KLF12: variants seen among roughly 807,000 people sequenced by gnomAD.
KLF12 encodes Krueppel-like factor 12.
A neutral mutation model predicts 37.8 loss-of-function variants in KLF12; 9 were observed. The observed-to-expected ratio is 0.24, with a 90% CI of 0.14 to 0.42. The LOEUF (loss-of-function observed/expected upper bound fraction) is 0.42, where lower values mean the gene tolerates loss of function less well. KLF12 is among the 10% of genes least tolerant of loss of function. The pLI is 1.00. For synonymous variants in KLF12, 208 were observed against 202.1 expected (o/e 1.03, Z -0.25); for missense variants, 411 against 516.0 (o/e 0.80, Z 1.97).
chr13:74,049,484 G>A (rs1274938067), intron 1 of KLF12, among the ~76,000 whole-genome samples: 1 of 152,096 alleles, frequency 6.6e-6, no homozygotes, highest in Admixed American at 6.6e-5. Flanking sequence ...CCCACACAGA[G>A]ATTACAGACA....
intron 1 of KLF12, among the ~76,000 whole-genome samples, chr13:74,127,107 G>A (rs1459092559): frequency 6.6e-6 from 1 of 152,100 alleles, no homozygotes; most frequent in Non-Finnish European, 1.5e-5. Context: ...GGGATCAAGG[G>A]ATCCTCCTGC....
chr13:74,242,444 G>T, the KLF12 span, among the ~76,000 whole-genome samples: 1 of 152,144 alleles, frequency 6.6e-6, no homozygotes, highest in Non-Finnish European at 1.5e-5. Flanking sequence ...AAAACCATCA[G>T]ATCTCATTAG....
chr13:73,807,175 G>A (rs1198288581), intron 5 of KLF12, among the ~76,000 whole-genome samples: 3 of 152,074 alleles, frequency 2.0e-5, no homozygotes, highest in Non-Finnish European at 4.4e-5. Context: ...GGGCGTGGTG[G>A]CTTATGCTTG....
chr13:73,697,546 A>G (rs1874235489), intron 7 of KLF12, among the ~76,000 whole-genome samples: 2 of 152,196 alleles, frequency 1.3e-5, no homozygotes, highest in Admixed American at 1.3e-4. Context: ...GGTCTACTAT[A>G]TAGTATTATC....
rs1164445441 is a variant in KLF12 at position 73,688,770 on chromosome 13, G to T, written c.*6720C>A. On this transcript the variant is annotated 3_prime_UTR_variant, in exon 8 of 8. Transcript: ENST00000377669. ...CGATATTTCACTTGAAAAATATGAT[G>T]ACTACTCATGCATGTTGTCCATAAT... The T allele has an allele frequency of 6.6e-6, 1 of 152,094 alleles. No homozygotes were observed. Among genetic ancestry groups the T allele is most frequent in the Non-Finnish European group, 1.5e-5 (1 of 68,028 alleles). 9.4% of individuals were successfully genotyped at this position (152,094 alleles called of 1,614,324 possible).
At chr13:74,000,488 A>G (rs1892249143) in intron 1 of KLF12, among the ~76,000 whole-genome samples, 3 of 152,318 alleles carry the variant, frequency 2.0e-5, no homozygotes, top group African/African-American at 7.2e-5. Context: ...TCGACTTAAA[A>G]TACTTCATTT....
the KLF12 span, among the ~76,000 whole-genome samples, chr13:74,160,360 T>G: frequency 8.5e-5 from 13 of 152,368 alleles, no homozygotes; most frequent in African/African-American, 2.9e-4. Context: ...ATTCATCTTA[T>G]TTGTATCATC....
intron 1 of KLF12, among the ~76,000 whole-genome samples, chr13:74,086,943 C>CT (rs1788476736): frequency 1.3e-5 from 2 of 152,092 alleles, no homozygotes; most frequent in Admixed American, 6.5e-5. Flanking sequence ...AGACCTCCAT[C>CT]CTTGTCGTCT....
At chr13:73,953,773 G>GA (rs1288671761) in intron 2 of KLF12, among the ~76,000 whole-genome samples, 1 of 151,734 alleles carries the variant, frequency 6.6e-6, no homozygotes, top group African/African-American at 2.4e-5. Flanking sequence ...GCATAGCCTG[G>GA]AAAAAAATAG....
chr13:73,840,275 C>T (rs1884669226), intron 4 of KLF12, among the ~76,000 whole-genome samples: 1 of 152,116 alleles, frequency 6.6e-6, no homozygotes, highest in Non-Finnish European at 1.5e-5. Context: ...ACTCTTGCAT[C>T]CCTCTTCACT....
intron 5 of KLF12, among the ~76,000 whole-genome samples, chr13:73,797,428 T>C (rs1447078752): frequency 1.3e-5 from 2 of 152,200 alleles, no homozygotes; most frequent in African/African-American, 4.8e-5. Flanking sequence ...TAAATACAAA[T>C]CATAAATCTT....
intron 1 of KLF12, among the ~76,000 whole-genome samples, chr13:74,098,961 G>A (rs1023777188): frequency 5.9e-5 from 9 of 152,122 alleles, no homozygotes; most frequent in African/African-American, 1.2e-4. Flanking sequence ...CACAAACTCC[G>A]CTTACTTTTG....
the KLF12 span, among the ~76,000 whole-genome samples, chr13:74,141,612 GCCCCAAT>G: frequency 6.6e-6 from 1 of 152,064 alleles, no homozygotes; most frequent in African/African-American, 2.4e-5. Context: ...GCACACCAAA[GCCCCAAT>G]CTCATTTTAT....
the KLF12 span, among the ~76,000 whole-genome samples, chr13:74,190,560 A>C: frequency 6.6e-6 from 1 of 152,152 alleles, no homozygotes; most frequent in Non-Finnish European, 1.5e-5. Context: ...TCAGCTATTA[A>C]TTTTTATGTA....
intron 3 of KLF12, among the ~76,000 whole-genome samples, chr13:73,854,530 G>C (rs2138749273): frequency 6.6e-6 from 1 of 152,298 alleles, no homozygotes; most frequent in South Asian, 2.1e-4. Context: ...AAGCAAAACT[G>C]TAACCTTTTT....
intron 2 of KLF12, among the ~76,000 whole-genome samples, chr13:73,969,045 AC>A (rs1215238317): frequency 7.3e-6 from 1 of 136,640 alleles, no homozygotes; most frequent in African/African-American, 2.7e-5. Flanking sequence ...AAAAAAAAAA[AC>A]CTATAGCAAT....
At chr13:74,095,847 T>G (rs1232364156) in intron 1 of KLF12, among the ~76,000 whole-genome samples, 1 of 152,220 alleles carries the variant, frequency 6.6e-6, no homozygotes, top group African/African-American at 2.4e-5. Context: ...CCAAATTTGT[T>G]GAGCCCAGAA....
chr13:73,829,719 A>G (rs1393842050), intron 4 of KLF12, among the ~76,000 whole-genome samples: 1 of 106,790 alleles, frequency 9.4e-6, no homozygotes, highest in Non-Finnish European at 2.2e-5. Flanking sequence ...AATAGTAATA[A>G]TATGGCTGAG....
intron 3 of KLF12, among the ~76,000 whole-genome samples, chr13:73,937,196 A>C: frequency 6.9e-6 from 1 of 144,522 alleles, no homozygotes; most frequent in Non-Finnish European, 1.6e-5. Flanking sequence ...CTCAAAAAAA[A>C]ATAAATAAAT....
Sources: allele counts gnomAD v4.1 joint callset (sites outside exome capture counted in the v4.1 genomes callset), GRCh38; gene constraint gnomAD v4.1.1; transcripts MANE v1.5; gene names NCBI Gene and HGNC (gene_info 2026-07-23, HGNC 2026-07-21).